The following MAP3K7CL variants were observed in gnomAD, a reference collection of about 807,000 sequenced individuals.
MAP3K7CL encodes the protein MAP3K7 C-terminal-like protein.
A neutral mutation model predicts 18.6 loss-of-function variants in MAP3K7CL; 16 were observed. That is an observed-to-expected ratio of 0.86 (90% CI 0.58 to 1.31). The LOEUF is 1.31. Ranked by LOEUF, MAP3K7CL falls within the 50% of genes most tolerant of loss-of-function variation. The pLI is 0.00. For synonymous variants in MAP3K7CL, 65 were observed against 66.8 expected (o/e 0.97, Z 0.13); for missense variants, 163 against 174.4 (o/e 0.93, Z 0.37).
upstream of MAP3K7CL, among the ~76,000 whole-genome samples, chr21:29,082,761 A>G (rs761537738): frequency 4.6e-5 from 7 of 152,154 alleles, no homozygotes; most frequent in Non-Finnish European, 8.8e-5. Flanking sequence ...TACCACGGCC[A>G]CTCTAAAACC....
upstream of MAP3K7CL, among the ~76,000 whole-genome samples, chr21:29,084,411 C>T (rs2085889717): frequency 2.0e-5 from 3 of 152,172 alleles, no homozygotes; most frequent in Admixed American, 6.5e-5. Flanking sequence ...GTACTTAGCC[C>T]ATGAGCCAGT....
chr21:29,111,242 C>G (rs567179552), intron 4 of MAP3K7CL, among the ~76,000 whole-genome samples: 2 of 151,290 alleles, frequency 1.3e-5, no homozygotes. Flanking sequence ...GGCGACAGAG[C>G]GAGACTCCTT....
rs754933094 is a variant in MAP3K7CL, at chr21:29,131,051, G to A, written c.-40+128G>A. 6 of 444,326 alleles carry A rather than the reference G, an allele frequency of 1.4e-5. No individual in the cohort carries two copies. In the South Asian group the frequency reaches 4.7e-4, roughly 35 times the overall value. 27.5% of individuals were successfully genotyped at this position (444,326 alleles called of 1,614,324 possible). A position where few individuals can be genotyped will look rare whatever the true frequency, so the allele number is the denominator to read the frequency against. On this transcript the variant is annotated intron_variant, in intron 1 of 4. Coordinates refer to ENST00000399928, the MANE Select transcript of MAP3K7CL (RefSeq NM_001286620.2). ...TTTCCCCAGACGGTGTGATGAAAAG[G>A]CAAGTTGGTGTAGGGGCATTTGTGG...
At chr21:29,098,955 C>A (rs568736207) in intron 4 of MAP3K7CL, among the ~76,000 whole-genome samples, 4 of 152,312 alleles carry the variant, frequency 2.6e-5, no homozygotes, top group Non-Finnish European at 5.9e-5. Context: ...CTCAAAGATG[C>A]CAAAGTGGCA....
chr21:29,110,305 C>G (rs2086397266), intron 4 of MAP3K7CL, among the ~76,000 whole-genome samples: 1 of 152,184 alleles, frequency 6.6e-6, no homozygotes, highest in Non-Finnish European at 1.5e-5. Flanking sequence ...TGAGGTACGT[C>G]TACTTTTTCA....
chr21:29,117,480 A>G (rs749821309), intron 4 of MAP3K7CL, among the ~76,000 whole-genome samples: 1 of 152,236 alleles, frequency 6.6e-6, no homozygotes, highest in Non-Finnish European at 1.5e-5. Flanking sequence ...CAAAACTGTC[A>G]GCAAAATGCT....
chr21:29,110,800 G>A (rs992000180), intron 4 of MAP3K7CL, among the ~76,000 whole-genome samples: 2 of 152,078 alleles, frequency 1.3e-5, no homozygotes, highest in African/African-American at 4.8e-5. Flanking sequence ...TAATTGTGAA[G>A]AACTTCTTTT....
chr21:29,172,331 C>G (rs2087859753), intron 4 of MAP3K7CL, among the ~76,000 whole-genome samples: 1 of 149,830 alleles, frequency 6.7e-6, no homozygotes, highest in Non-Finnish European at 1.5e-5. Flanking sequence ...TAGAATTTCC[C>G]TGAATTTGAT....
intron 4 of MAP3K7CL, among the ~76,000 whole-genome samples, chr21:29,115,387 T>C (rs1483560446): frequency 1.3e-5 from 2 of 152,318 alleles, no homozygotes; most frequent in South Asian, 2.1e-4. Context: ...AAAGCATTGA[T>C]GGAAGGAGGA....
At chr21:29,157,294 A>T (rs766871372) in intron 3 of MAP3K7CL, among the ~76,000 whole-genome samples, 1 of 152,180 alleles carries the variant, frequency 6.6e-6, no homozygotes, top group Non-Finnish European at 1.5e-5. Context: ...CCCTCTTCCT[A>T]TGGCAACAAA....
At chr21:29,111,107 T>G (rs965629977) in intron 4 of MAP3K7CL, among the ~76,000 whole-genome samples, 2 of 151,940 alleles carry the variant, frequency 1.3e-5, no homozygotes, top group African/African-American at 4.8e-5. Context: ...ATACAAAAAC[T>G]TAGCCAGGCG....
intron 4 of MAP3K7CL, among the ~76,000 whole-genome samples, chr21:29,111,659 C>A (rs545719236): frequency 6.6e-6 from 1 of 152,258 alleles, no homozygotes; most frequent in East Asian, 1.9e-4. Context: ...GCCTTTCTTC[C>A]CCCTTCTCCA....
intron 1 of MAP3K7CL, among the ~76,000 whole-genome samples, chr21:29,078,212 A>G (rs1318180927): frequency 1.3e-5 from 2 of 150,236 alleles, no homozygotes; most frequent in Admixed American, 1.3e-4. Flanking sequence ...ATGTTTCAGT[A>G]TTTTTCTGTT....
At chr21:29,088,723 T>C (rs757561756) in intron 1 of MAP3K7CL, among the ~76,000 whole-genome samples, 11 of 152,116 alleles carry the variant, frequency 7.2e-5, no homozygotes, top group Non-Finnish European at 1.3e-4. Context: ...AAAGTGTGTG[T>C]GCATGTGTGT....
At chr21:29,107,107 G>A (rs1352081700) in intron 4 of MAP3K7CL, among the ~76,000 whole-genome samples, 2 of 152,140 alleles carry the variant, frequency 1.3e-5, no homozygotes, top group East Asian at 3.8e-4. Context: ...CATGAGGTCA[G>A]GAGTTCAAGA....
intron 4 of MAP3K7CL, among the ~76,000 whole-genome samples, chr21:29,160,482 A>G (rs1182490695): frequency 1.3e-5 from 2 of 152,242 alleles, no homozygotes; most frequent in East Asian, 1.9e-4. Context: ...TACATTTTAT[A>G]GTAGGGTAAG....
chr21:29,152,226 C>T lies in MAP3K7CL; in HGVS notation c.132+2976C>T, dbSNP rs569002286. On this transcript the variant is annotated intron_variant, in intron 3 of 4. Transcript: ENST00000399928. ...GGGCGTGAGTGACTAAACAGCAAGACGATGATGGTTGGGAGGAGAAATCTA... is the reference window on the plus strand; with the variant it reads ...GGGCGTGAGTGACTAAACAGCAAGATGATGATGGTTGGGAGGAGAAATCTA... Among the ~76,000 whole-genome samples the T allele has an allele frequency of 6.0e-4, 92 of 152,248 alleles. 1 individual carries two copies. The highest frequency in any genetic ancestry group is 1.9e-3 in the African/African-American group (80 of 41,544).
chr21:29,175,040 A>G lies in MAP3K7CL; in HGVS notation c.*148A>G. The G allele has an allele frequency of 1.5e-6, 1 of 664,782 alleles. No homozygotes were observed. The highest frequency in any genetic ancestry group is 2.4e-6 in the Non-Finnish European group (1 of 423,102). The allele number at this position is 664,782 out of a possible 1,614,324, so 41.2% of individuals were successfully genotyped here. A position where few individuals can be genotyped will look rare whatever the true frequency, so the allele number is the denominator to read the frequency against. On this transcript the variant is annotated 3_prime_UTR_variant, in exon 5 of 5. Transcript: ENST00000399928. ...GTCTATAATGAGTTTACTGCTTGCC[A>G]GCTTCTAGCTTGAGAGAAGGGATAT...
chr21:29,175,093 A>G lies in MAP3K7CL; in HGVS notation c.*201A>G, dbSNP rs1263162716. ...TAAATGAGATCATTAACGTGAAACT[A>G]TTACTAGTATATGTTTTTGGAGATC... is the stretch of plus-strand genomic sequence containing the variant. On this transcript the variant is annotated 3_prime_UTR_variant, in exon 5 of 5. Coordinates refer to ENST00000399928, the MANE Select transcript of MAP3K7CL (RefSeq NM_001286620.2). 2.2e-6 allele frequency: 1 copy of G among 457,632 alleles called. No homozygotes were observed. Among genetic ancestry groups the G allele is most frequent in the Non-Finnish European group, 3.8e-6 (1 of 262,674 alleles). The allele number at this position is 457,632 out of a possible 1,614,324, so 28.3% of individuals were successfully genotyped here. A position where few individuals can be genotyped will look rare whatever the true frequency, so the allele number is the denominator to read the frequency against.
Sources: gnomAD v4.1 joint callset for allele counts (sites outside exome capture counted in the v4.1 genomes callset) on GRCh38, gnomAD v4.1.1 for gene constraint, MANE v1.5 for transcripts, NCBI Gene and HGNC (gene_info 2026-07-23, HGNC 2026-07-21) for gene names.